CAMSAP2: variants seen among roughly 807,000 people sequenced by gnomAD.
The protein encoded by CAMSAP2 is calmodulin-regulated spectrin-associated protein 2.
Under a neutral mutation model 146.1 loss-of-function variants are expected in CAMSAP2, and 26 were observed. The observed-to-expected ratio is 0.18, with a 90% CI of 0.13 to 0.25. The LOEUF is 0.25. CAMSAP2 is among the 10% of genes least tolerant of loss of function. CAMSAP2 has a pLI of 1.00. For missense variants in CAMSAP2, 1,381 were observed against 1,759.3 expected (o/e 0.78, Z 3.85); for synonymous variants, 499 against 596.6 (o/e 0.84, Z 2.38).
chr1:200,776,689 A>C (rs1161999964), intron 2 of CAMSAP2, among the ~76,000 whole-genome samples: 1 of 152,106 alleles, frequency 6.6e-6, no homozygotes, highest in Non-Finnish European at 1.5e-5. Context: ...GTGCCACTGC[A>C]CTCCAGCCTG....
intron 1 of CAMSAP2, among the ~76,000 whole-genome samples, chr1:200,752,433 T>C (rs1664532187): frequency 6.6e-6 from 1 of 152,200 alleles, no homozygotes; most frequent in Non-Finnish European, 1.5e-5. Flanking sequence ...CACTCTTATA[T>C]GTCTTTGTGT....
intron 4 of CAMSAP2, among the ~76,000 whole-genome samples, chr1:200,825,509 CTT>C (rs750646682): frequency 1.9e-4 from 27 of 141,566 alleles, no homozygotes; most frequent in Admixed American, 2.1e-4. Flanking sequence ...TTCTTTCTTC[CTT>C]TTTTTTTTTT....
At chr1:200,776,738 AAAC>A (rs942903769) in intron 2 of CAMSAP2, among the ~76,000 whole-genome samples, 8 of 152,108 alleles carry the variant, frequency 5.3e-5, no homozygotes, top group Non-Finnish European at 1.2e-4. Context: ...AAACAAAACA[AAAC>A]AACAACAACA....
intron 1 of CAMSAP2, among the ~76,000 whole-genome samples, chr1:200,757,638 A>G (rs1571721495): frequency 3.9e-5 from 6 of 152,316 alleles, no homozygotes. Context: ...TTTAAAAAAA[A>G]TAATAGTTTT....
At chr1:200,744,330 G>A (rs1255217057) in intron 1 of CAMSAP2, among the ~76,000 whole-genome samples, 1 of 152,240 alleles carries the variant, frequency 6.6e-6, no homozygotes, top group Non-Finnish European at 1.5e-5. Flanking sequence ...AAGGGAATGT[G>A]TAAGAGGGTG....
At chr1:200,817,078 A>C (rs1195609759) in intron 4 of CAMSAP2, among the ~76,000 whole-genome samples, 1 of 139,046 alleles carries the variant, frequency 7.2e-6, no homozygotes, top group African/African-American at 2.6e-5. Context: ...ATATATGTGT[A>C]TACACACACA....
chr1:200,774,796 G>C (rs541345519), intron 2 of CAMSAP2, among the ~76,000 whole-genome samples: 2 of 152,322 alleles, frequency 1.3e-5, no homozygotes, highest in East Asian at 3.9e-4. Flanking sequence ...AAACTTCATG[G>C]CTGGATGATA....
intron 4 of CAMSAP2, among the ~76,000 whole-genome samples, chr1:200,817,649 A>C (rs1253132637): frequency 6.6e-6 from 1 of 152,182 alleles, no homozygotes; most frequent in African/African-American, 2.4e-5. Context: ...TCTCTCCATA[A>C]AAAGAGAAAG....
intron 2 of CAMSAP2, among the ~76,000 whole-genome samples, chr1:200,763,674 T>C (rs1664862248): frequency 6.6e-6 from 1 of 152,246 alleles, no homozygotes; most frequent in Non-Finnish European, 1.5e-5. Context: ...TGATTTAAAG[T>C]TTTCCAGTTG....
chr1:200,756,474 A>AT (rs888930016), intron 1 of CAMSAP2, among the ~76,000 whole-genome samples: 2 of 152,006 alleles, frequency 1.3e-5, no homozygotes, highest in Non-Finnish European at 2.9e-5. Flanking sequence ...GAAAAAAAAA[A>AT]GAAAAAAAAG....
Position 200,844,345 on chromosome 1 carries a change from C to T in CAMSAP2, c.1022-437C>T, listed in dbSNP as rs893568388. Among the ~76,000 whole-genome samples the T allele has an allele frequency of 4.0e-5, 6 of 151,642 alleles. No homozygotes were observed. In the East Asian group the frequency reaches 5.9e-4, roughly 15 times the overall value. ...CGGGCAGATCACAAGGTCAAGAGTT[C>T]GAGACCAGCCTGGCCAATATGGTGA... is the stretch of plus-strand genomic sequence containing the variant. On this transcript the variant is annotated intron_variant, in intron 7 of 16. Transcript: ENST00000358823.
In CAMSAP2 at chr1:200,767,805, T is replaced by A. The variant is rs528485495; in HGVS notation, c.399+6707T>A. ...ACAGTGCTAGAACTCAATTTTCTGT[T>A]TACTACTCATGTACCTAATAATGTT... On this transcript the variant is annotated intron_variant, in intron 2 of 16. Transcript: ENST00000358823. Among the ~76,000 whole-genome samples the A allele has an allele frequency of 2.0e-5, 3 of 152,344 alleles. No homozygotes were observed. The South Asian group carries it at 6.2e-4, about 32-fold the overall frequency.
chr1:200,810,036 C>G (rs892765043), intron 3 of CAMSAP2, among the ~76,000 whole-genome samples: 1 of 152,192 alleles, frequency 6.6e-6, no homozygotes, highest in Non-Finnish European at 1.5e-5. Flanking sequence ...AAGGTCCCAC[C>G]TTTCAGTACT....
chr1:200,743,028 A>G (rs1664222787), intron 1 of CAMSAP2, among the ~76,000 whole-genome samples: 1 of 152,364 alleles, frequency 6.6e-6, no homozygotes, highest in African/African-American at 2.4e-5. Context: ...GATTAAATGA[A>G]GAATACATTT....
intron 2 of CAMSAP2, among the ~76,000 whole-genome samples, chr1:200,766,312 A>AT (rs1664950695): frequency 6.6e-6 from 1 of 151,238 alleles, no homozygotes; most frequent in Admixed American, 6.6e-5. Flanking sequence ...CCTGGCTAAT[A>AT]TTTTTTTATT....
At chr1:200,764,976 C>A (rs1664904521) in intron 2 of CAMSAP2, among the ~76,000 whole-genome samples, 1 of 151,920 alleles carries the variant, frequency 6.6e-6, no homozygotes, top group African/African-American at 2.4e-5. Flanking sequence ...TGATGGCAGG[C>A]ACCTGTAATC....
At chr1:200,796,080 T>A (rs1358215405) in intron 2 of CAMSAP2, among the ~76,000 whole-genome samples, 1 of 152,222 alleles carries the variant, frequency 6.6e-6, no homozygotes, top group East Asian at 1.9e-4. Flanking sequence ...AAGTCACCCC[T>A]CTTGCCAGGG....
intron 7 of CAMSAP2, among the ~76,000 whole-genome samples, chr1:200,842,597 A>C (rs1009956401): frequency 2.0e-5 from 3 of 152,222 alleles, no homozygotes; most frequent in Non-Finnish European, 4.4e-5. Context: ...AGATATAAGG[A>C]ACAAAAAATC....
intron 2 of CAMSAP2, among the ~76,000 whole-genome samples, chr1:200,775,936 A>G (rs1403155302): frequency 1.3e-5 from 2 of 152,180 alleles, no homozygotes; most frequent in East Asian, 3.8e-4. Flanking sequence ...TGCTATGCCA[A>G]TATAAAATCA....
Sources: gnomAD v4.1 joint callset for allele counts (sites outside exome capture counted in the v4.1 genomes callset) on GRCh38, gnomAD v4.1.1 for gene constraint, MANE v1.5 for transcripts, NCBI Gene and HGNC (gene_info 2026-07-23, HGNC 2026-07-21) for gene names.